BRI3BP: variants seen among roughly 807,000 people sequenced by gnomAD.
The protein encoded by BRI3BP is BRI3 binding protein.
A neutral mutation model predicts 15.8 loss-of-function variants in BRI3BP; 7 were observed. The ratio of observed to expected loss-of-function variants is 0.44; its 90% CI spans 0.25 to 0.83. BRI3BP has a LOEUF of 0.83. BRI3BP is among the 40% of genes least tolerant of loss of function. The pLI is 0.20. For synonymous variants in BRI3BP, 192 were observed against 163.5 expected (o/e 1.17, Z -1.33); for missense variants, 320 against 339.3 (o/e 0.94, Z 0.45).
intron 1 of BRI3BP, among the ~76,000 whole-genome samples, chr12:125,002,118 C>A (rs1483658357): frequency 1.3e-5 from 2 of 152,202 alleles, no homozygotes; most frequent in Non-Finnish European, 2.9e-5. Context: ...AACTGATGCA[C>A]ATTTCGGTTT....
intron 1 of BRI3BP, among the ~76,000 whole-genome samples, chr12:125,002,734 G>A (rs1382549289): frequency 1.3e-5 from 2 of 152,166 alleles, no homozygotes; most frequent in Non-Finnish European, 2.9e-5. Context: ...GGGATTACAG[G>A]CGTGAGCCAC....
chr12:125,048,291 C>T, the BRI3BP span, among the ~76,000 whole-genome samples: 2 of 152,128 alleles, frequency 1.3e-5, no homozygotes, highest in African/African-American at 4.8e-5. Context: ...TGACTAGTCA[C>T]CATGTGTGTT....
At chr12:125,021,052 C>T (rs2135998485) in intron 2 of BRI3BP, among the ~76,000 whole-genome samples, 1 of 152,294 alleles carries the variant, frequency 6.6e-6, no homozygotes, top group East Asian at 1.9e-4. Context: ...ACTGAGAGGT[C>T]TGGGAAACAC....
At chr12:125,001,283 C>T (rs183418450) in intron 1 of BRI3BP, among the ~76,000 whole-genome samples, 1 of 152,214 alleles carries the variant, frequency 6.6e-6, no homozygotes, top group Admixed American at 6.6e-5. Context: ...GTCTGGATCT[C>T]CTGACCTCGT....
At chr12:125,022,284 GAAAC>G (rs952899766) in intron 2 of BRI3BP, among the ~76,000 whole-genome samples, 1 of 151,920 alleles carries the variant, frequency 6.6e-6, no homozygotes, top group Non-Finnish European at 1.5e-5. Flanking sequence ...ACACTGTCAG[GAAAC>G]AAACAATTGC....
the BRI3BP span, among the ~76,000 whole-genome samples, chr12:125,050,162 C>T: frequency 6.6e-6 from 1 of 152,176 alleles, no homozygotes; most frequent in African/African-American, 2.4e-5. Flanking sequence ...ACCATCCTGG[C>T]CAACATGGCG....
chr12:125,040,260 C>CAA, the BRI3BP span, among the ~76,000 whole-genome samples: 1 of 118,854 alleles, frequency 8.4e-6, no homozygotes, highest in Admixed American at 8.6e-5. Flanking sequence ...GACTCCATCT[C>CAA]AAAAAAAAAA....
chr12:125,017,980 G>A (rs1406253453), intron 2 of BRI3BP, among the ~76,000 whole-genome samples: 1 of 152,152 alleles, frequency 6.6e-6, no homozygotes, highest in Non-Finnish European at 1.5e-5. Context: ...CATGAGGACT[G>A]GATGACTGTG....
chr12:125,027,733 G>A lies in BRI3BP; in HGVS notation c.*2303G>A, dbSNP rs1955368374. On this transcript the variant is annotated 3_prime_UTR_variant, in exon 3 of 3. Transcript: ENST00000341446. ...GAGATGGAGTCTCACTGTCAACCAG[G>A]CTGGAGTGCAGTGGCACCATCTCGG... is the stretch of plus-strand genomic sequence containing the variant. 6.6e-6 allele frequency: 1 copy of A among 152,028 alleles called. No individual in the cohort carries two copies. Among genetic ancestry groups the A allele is most frequent in the African/African-American group, 2.4e-5 (1 of 41,396 alleles). 9.4% of individuals were successfully genotyped at this position (152,028 alleles called of 1,614,324 possible). A position where few individuals can be genotyped will look rare whatever the true frequency, so the allele number is the denominator to read the frequency against.
In BRI3BP at chr12:125,028,387, A is replaced by G. The variant is rs1029698770; in HGVS notation, c.*2957A>G. On this transcript the variant is annotated 3_prime_UTR_variant, in exon 3 of 3. Coordinates refer to ENST00000341446, the MANE Select transcript of BRI3BP (RefSeq NM_080626.6). ...CACTGTGCTCTATTGAGATCTCGAT[A>G]AGATCATCATTTTAACTTGTATTCA... 13 of 152,232 alleles carry G rather than the reference A, an allele frequency of 8.5e-5. No individual in the cohort carries two copies. Among genetic ancestry groups the G allele is most frequent in the Non-Finnish European group, 1.3e-4 (9 of 68,036 alleles). The allele number at this position is 152,232 out of a possible 1,614,324, so 9.4% of individuals were successfully genotyped here.
chr12:125,011,724 T>TA (rs78189817), intron 1 of BRI3BP, among the ~76,000 whole-genome samples: 20,240 of 151,500 alleles, frequency 0.13, 1,411 homozygotes, highest in Admixed American at 0.16. Context: ...CACTAATTTT[T>TA]TAAAAAAAAA....
intron 2 of BRI3BP, among the ~76,000 whole-genome samples, chr12:125,014,721 C>T (rs181936095): frequency 3.3e-5 from 5 of 152,302 alleles, no homozygotes; most frequent in Admixed American, 3.3e-4. Flanking sequence ...CTAGGCCTGG[C>T]ATCTCCAGGC....
intron 2 of BRI3BP, among the ~76,000 whole-genome samples, chr12:125,024,127 C>T (rs1955325296): frequency 6.6e-6 from 1 of 152,164 alleles, no homozygotes; most frequent in Admixed American, 6.5e-5. Context: ...CACAGTTCTG[C>T]GTGGCTCAGG....
intron 1 of BRI3BP, among the ~76,000 whole-genome samples, chr12:124,994,878 A>C (rs1955028133): frequency 6.6e-6 from 1 of 151,956 alleles, no homozygotes; most frequent in African/African-American, 2.4e-5. Flanking sequence ...TTCAAGTTGG[A>C]GCTCTACCAG....
At chr12:125,040,341 TTTTG>T in the BRI3BP span, among the ~76,000 whole-genome samples, 2 of 152,010 alleles carry the variant, frequency 1.3e-5, no homozygotes, top group South Asian at 2.1e-4. Flanking sequence ...TATAGGTTCT[TTTTG>T]TTTGTTTTTT....
intron 2 of BRI3BP, among the ~76,000 whole-genome samples, chr12:125,015,189 T>A (rs1955232514): frequency 6.6e-6 from 1 of 152,058 alleles, no homozygotes; most frequent in Non-Finnish European, 1.5e-5. Context: ...AGTGAGCCCT[T>A]GTTTGGGAGT....
chr12:125,003,253 C>T (rs114679705), intron 1 of BRI3BP, among the ~76,000 whole-genome samples: 2,661 of 152,148 alleles, frequency 0.017, 69 homozygotes, highest in African/African-American at 0.059. Context: ...TCACCCAACC[C>T]CGGTGTTGGA....
the BRI3BP span, among the ~76,000 whole-genome samples, chr12:125,043,043 T>G: frequency 6.6e-6 from 1 of 151,612 alleles, no homozygotes; most frequent in South Asian, 2.1e-4. Context: ...TTTATATCAT[T>G]GGTCTGGTAG....
chr12:125,049,784 G>A, the BRI3BP span, among the ~76,000 whole-genome samples: 2 of 152,256 alleles, frequency 1.3e-5, no homozygotes, highest in East Asian at 3.9e-4. Flanking sequence ...CCAACTCTCT[G>A]CCAGCCAATC....
Sources: gnomAD v4.1 joint callset for allele counts (sites outside exome capture counted in the v4.1 genomes callset) on GRCh38, gnomAD v4.1.1 for gene constraint, MANE v1.5 for transcripts, NCBI Gene and HGNC (gene_info 2026-07-23, HGNC 2026-07-21) for gene names.